ZAP70: variants seen among roughly 807,000 people sequenced by gnomAD.
The protein encoded by ZAP70 is zeta chain of T cell receptor associated protein kinase 70, also known as tyrosine-protein kinase ZAP-70.
A neutral mutation model predicts 65.8 loss-of-function variants in ZAP70; 27 were observed. The observed-to-expected ratio is 0.41, with a 90% CI of 0.30 to 0.57. The LOEUF is 0.57. Among genes scored for constraint, ZAP70 ranks in the 20% least tolerant of loss-of-function variants. The pLI is 0.28. For synonymous variants in ZAP70, 363 were observed against 360.8 expected (o/e 1.01, Z -0.07); for missense variants, 696 against 870.5 (o/e 0.80, Z 2.52).
At position 97,733,356 on chromosome 2, in the gene ZAP70, C is replaced by T. The variant is rs200657253; in HGVS notation, c.837+13C>T. ...CACGTTGACTCATGTGAGTTGGGGGCACCTGGAGTGTGGCCTTGGGGATGG... is the reference window on the plus strand; with the variant it reads ...CACGTTGACTCATGTGAGTTGGGGGTACCTGGAGTGTGGCCTTGGGGATGG... On this transcript the variant is annotated intron_variant, in intron 7 of 13. Transcript: ENST00000264972. 6.3e-7 allele frequency: 1 copy of T among 1,590,634 alleles called. No individual in the cohort carries two copies. Among genetic ancestry groups the T allele is most frequent in the Non-Finnish European group, 8.6e-7 (1 of 1,166,946 alleles).
chr2:97,733,900 C>A (rs1677731436), intron 8 of ZAP70: 2 of 515,256 alleles, frequency 3.9e-6, no homozygotes, highest in Non-Finnish European at 7.1e-6. Flanking sequence ...TATGAGCCAC[C>A]GAACCCTCCT....
At chr2:97,718,091 G>A (rs547248327) in intron 2 of ZAP70, among the ~76,000 whole-genome samples, 21 of 152,344 alleles carry the variant, frequency 1.4e-4, no homozygotes, top group African/African-American at 4.3e-4. Flanking sequence ...CAGGCTTGGG[G>A]AATGAACAGG....
chr2:97,715,473 T>G lies in ZAP70; in HGVS notation c.-22+1479T>G, dbSNP rs577236115. On this transcript the variant is annotated intron_variant, in intron 2 of 13. Transcript: ENST00000264972. This position sits in a 1 kb window ranked among gnomAD's most constrained non-coding sequence, Gnocchi z 4.1. ...TGAGGCCCAGAGAGGGACCGCTGCT[T>G]GCTGAGGTCACACAGGCAGTGGAGG... Among the ~76,000 whole-genome samples the G allele has an allele frequency of 1.3e-5, 2 of 152,264 alleles. No homozygotes were observed. Among genetic ancestry groups the G allele is most frequent in the Non-Finnish European group, 2.9e-5 (2 of 68,014 alleles).
chr2:97,733,899 C>A (rs556827566), intron 8 of ZAP70: 1 of 519,718 alleles, frequency 1.9e-6, no homozygotes, highest in Non-Finnish European at 3.5e-6. Context: ...GTATGAGCCA[C>A]CGAACCCTCC....
At chr2:97,719,554 G>A (rs529129144) in intron 2 of ZAP70, among the ~76,000 whole-genome samples, 37 of 137,934 alleles carry the variant, frequency 2.7e-4, no homozygotes, top group African/African-American at 9.5e-4. Flanking sequence ...AGAACAGCCT[G>A]GGGGGGGGGC....
In ZAP70 at chr2:97,737,442, C is replaced by T. The variant is rs1172739228; in HGVS notation, c.1290-31C>T. On this transcript the variant is annotated intron_variant, in intron 10 of 13. Coordinates refer to ENST00000264972, the MANE Select transcript of ZAP70 (RefSeq NM_001079.4). This position sits in a 1 kb window ranked among gnomAD's most constrained non-coding sequence, Gnocchi z 5.0. The stretch of plus-strand genomic sequence containing the variant: ...CCCTGGGAACTTGGCTAGTCTTCTC[C>T]CAGCTGACCCCGCCTTCCCCGCCAC... 3.7e-6 allele frequency: 6 copies of T among 1,613,280 alleles called. No homozygotes were observed. The highest frequency in any genetic ancestry group is 1.7e-5 in the Admixed American group (1 of 59,990).
chr2:97,733,942 A>C, intron 8 of ZAP70: 1 of 393,850 alleles, frequency 2.5e-6, no homozygotes, highest in East Asian at 5.3e-5. Flanking sequence ...ATGGTGATTA[A>C]CCTCACTTTA....
chr2:97,732,853 G>A (rs1042945542), intron 4 of ZAP70, 30 bp from the exon 5 acceptor site: 26 of 1,613,212 alleles, frequency 1.6e-5, no homozygotes, highest in Non-Finnish European at 2.0e-5. Context: ...GGTGGCTCTA[G>A]GGGTTACATC....
At chr2:97,752,931 C>A in the ZAP70 span, among the ~76,000 whole-genome samples, 1 of 152,162 alleles carries the variant, frequency 6.6e-6, no homozygotes, top group Non-Finnish European at 1.5e-5. Context: ...AAAATTAGGA[C>A]AAGGCTACTC....
Position 97,719,600 on chromosome 2 carries a change from G to C in ZAP70, c.-21-4416G>C, listed in dbSNP as rs79911204. On this transcript the variant is annotated intron_variant, in intron 2 of 13. Transcript: ENST00000264972. ...TCTGGCTGAGAGGCTGGGAGTCAAG[G>C]ACATAGGGACAGGAGTGTAGACAGC... 4.3e-3 allele frequency among the ~76,000 whole-genome samples: 660 copies of C among 152,022 alleles called. 15 individuals are homozygous for C. In the East Asian group the frequency reaches 0.062, roughly 14 times the overall value.
Position 97,732,907 on chromosome 2 carries a change from C to G in ZAP70, c.588C>G (p.Gly196=), listed in dbSNP as rs566792341. 1 of 1,614,002 alleles carries G rather than the reference C, an allele frequency of 6.2e-7. No homozygotes were observed. The highest frequency in any genetic ancestry group is 2.2e-5 in the East Asian group (1 of 44,878). Residue 196 remains glycine, a synonymous_variant, in exon 5 of 14, where the codon GGC becomes GGG. Transcript: ENST00000264972. ...GGCTGAGGCCGCGGAAGGAGCAGGG[C>G]ACATACGCCCTGTCCCTCATCTATG... ...KFLLRPRKEQ[G]TYALSLIYGK... is the part of the protein sequence containing the mutation.
At chr2:97,724,977 G>C in intron 3 of ZAP70, 115 bp from the exon 4 acceptor site, 1 of 1,551,108 alleles carries the variant, frequency 6.4e-7, no homozygotes, top group South Asian at 1.2e-5. Flanking sequence ...TGCCTAACAC[G>C]CGCTAGGGAC....
chr2:97,745,334 T>C, the ZAP70 span, among the ~76,000 whole-genome samples: 1 of 152,208 alleles, frequency 6.6e-6, no homozygotes, highest in East Asian at 1.9e-4. Context: ...CCACTGTGCC[T>C]GGCCAAAAAA....
chr2:97,754,108 A>G, the ZAP70 span, among the ~76,000 whole-genome samples: 4 of 152,214 alleles, frequency 2.6e-5, no homozygotes, highest in African/African-American at 4.8e-5. Flanking sequence ...TGTTCACTGT[A>G]AACAGACTGA....
chr2:97,734,523 G>T lies in ZAP70; in HGVS notation c.893G>T (p.Arg298Leu). Reference sequence around the variant, plus strand: ...GTGTACCGCTGTGTGTGCCCAGCACGCATAACGTCCCCAGACAAACCGCGG... The same window carrying T: ...GTGTACCGCTGTGTGTGCCCAGCACTCATAACGTCCCCAGACAAACCGCGG... ...NSDGYTPEPA[R>L]ITSPDKPRPM... The change falls in exon 9 of 14, where the codon CGC (arginine) becomes CTC (leucine). Residue 298 changes from arginine to leucine, a missense_variant. By Grantham distance (102) the Arg-to-Leu change is moderately radical. Around this residue, in one of 3 missense-constraint regions of ZAP70, gnomAD observed 551 missense variants for 630.0 expected, o/e 0.87. Transcript: ENST00000264972. 6.2e-7 allele frequency: 1 copy of T among 1,613,534 alleles called. No homozygotes were observed. Among genetic ancestry groups the T allele is most frequent in the Middle Eastern group, 1.6e-4 (1 of 6,062 alleles).
At chr2:97,751,540 T>C in the ZAP70 span, among the ~76,000 whole-genome samples, 5 of 152,334 alleles carry the variant, frequency 3.3e-5, no homozygotes, top group East Asian at 9.6e-4. Context: ...TTAGTTCTGT[T>C]TTTCTAGAGG....
At chr2:97,716,935 T>C (rs1161486179) in intron 2 of ZAP70, among the ~76,000 whole-genome samples, 1 of 152,108 alleles carries the variant, frequency 6.6e-6, no homozygotes, top group African/African-American at 2.4e-5. Flanking sequence ...CGAGCTTCAC[T>C]CGCTGCTGAG....
chr2:97,723,302 C>T (rs906182541), intron 2 of ZAP70, among the ~76,000 whole-genome samples: 2 of 152,192 alleles, frequency 1.3e-5, no homozygotes, highest in Non-Finnish European at 2.9e-5. Context: ...CTGCTAAGGC[C>T]GAGGGGAAAG....
chr2:97,735,501 C>T (rs1184967111), intron 10 of ZAP70, 45 bp downstream of exon 10: 1 of 1,583,750 alleles, frequency 6.3e-7, no homozygotes, highest in Admixed American at 1.7e-5. Flanking sequence ...GGGGCCGGGG[C>T]CCATCCTGGG....
Sources: gnomAD v4.1 joint callset for allele counts (sites outside exome capture counted in the v4.1 genomes callset) on GRCh38, gnomAD v4.1.1 for gene constraint, gnomAD v4.1.1 regional missense constraint, Gnocchi (gnomAD v3.1) non-coding constraint, MANE v1.5 for transcripts, NCBI Gene and HGNC (gene_info 2026-07-23, HGNC 2026-07-21) for gene names.